OPCML: variants seen among roughly 807,000 people sequenced by gnomAD.
OPCML encodes the protein opioid-binding protein/cell adhesion molecule.
OPCML carries 13 observed loss-of-function variants against 37.8 expected under a neutral mutation model. The observed-to-expected ratio is 0.34, with a 90% CI of 0.22 to 0.55. OPCML has a LOEUF of 0.55. Ranked by LOEUF, OPCML falls within the 20% of genes least tolerant of loss-of-function variation. The pLI, the probability that OPCML is intolerant of heterozygous loss-of-function variation, is 0.91. For missense variants in OPCML, 341 were observed against 435.6 expected, an observed-to-expected ratio of 0.78 and a Z score of 1.93; for synonymous variants, 176 against 168.8, an observed-to-expected ratio of 1.04 and a Z score of -0.33.
intron 2 of OPCML, among the ~76,000 whole-genome samples, chr11:132,830,546 A>C (rs959729691): frequency 8.5e-5 from 13 of 152,078 alleles, no homozygotes; most frequent in African/African-American, 3.1e-4. Context: ...ATTATCATCA[A>C]CCTCTTTCTA....
At chr11:132,695,712 T>C (rs1943576426) in intron 2 of OPCML, among the ~76,000 whole-genome samples, 1 of 152,176 alleles carries the variant, frequency 6.6e-6, no homozygotes, top group African/African-American at 2.4e-5. Context: ...TTCTTCTTCC[T>C]GACACCCACT....
At chr11:132,924,491 T>A (rs11223280) in intron 2 of OPCML, among the ~76,000 whole-genome samples, 1 of 152,138 alleles carries the variant, frequency 6.6e-6, no homozygotes, top group Non-Finnish European at 1.5e-5. Flanking sequence ...AAGACAAATC[T>A]GATCAATTTT....
chr11:132,962,313 C>T (rs1299925590), intron 1 of OPCML, among the ~76,000 whole-genome samples: 2 of 152,208 alleles, frequency 1.3e-5, no homozygotes, highest in South Asian at 2.1e-4. Flanking sequence ...CCGGCCCGGG[C>T]TCTCTCTGCC....
intron 2 of OPCML, among the ~76,000 whole-genome samples, chr11:132,802,683 T>G (rs942584387): frequency 2.0e-5 from 3 of 152,138 alleles, no homozygotes; most frequent in Non-Finnish European, 4.4e-5. Flanking sequence ...TTAGATGTGA[T>G]TTCAGTGAAG....
At chr11:132,902,296 T>G (rs1040959152) in intron 2 of OPCML, among the ~76,000 whole-genome samples, 1 of 152,272 alleles carries the variant, frequency 6.6e-6, no homozygotes, top group East Asian at 1.9e-4. Context: ...GTCAGGGCTC[T>G]TGGGAATGAG....
intron 1 of OPCML, among the ~76,000 whole-genome samples, chr11:133,499,771 A>AATATAT (rs374151325): frequency 7.1e-6 from 1 of 141,274 alleles, no homozygotes; most frequent in Non-Finnish European, 1.5e-5. Flanking sequence ...CAGAAAAATA[A>AATATAT]ATATATATAT....
intron 1 of OPCML, among the ~76,000 whole-genome samples, chr11:133,362,643 A>G (rs1373409755): frequency 6.6e-6 from 1 of 152,150 alleles, no homozygotes; most frequent in Non-Finnish European, 1.5e-5. Context: ...GCTGAAGGGA[A>G]TGAGGTGAGA....
At chr11:132,633,410 T>C (rs1347499602) in intron 3 of OPCML, among the ~76,000 whole-genome samples, 3 of 151,878 alleles carry the variant, frequency 2.0e-5, no homozygotes, top group South Asian at 2.1e-4. Context: ...AGGGAGAAAA[T>C]AGATGGAAAT....
intron 1 of OPCML, among the ~76,000 whole-genome samples, chr11:133,204,878 A>ATATATATGTGTG (rs1565502208): frequency 3.9e-5 from 1 of 25,954 alleles, no homozygotes; most frequent in Admixed American, 3.1e-4. Context: ...GTATATATAT[A>ATATATATGTGTG]TATATATATA....
chr11:133,315,629 T>C (rs1156250957), intron 1 of OPCML, among the ~76,000 whole-genome samples: 1 of 152,160 alleles, frequency 6.6e-6, no homozygotes, highest in African/African-American at 2.4e-5. Flanking sequence ...TGAATCCCTG[T>C]CTCTACTAAA....
At chr11:132,797,592 G>C (rs965800497) in intron 2 of OPCML, among the ~76,000 whole-genome samples, 1 of 151,874 alleles carries the variant, frequency 6.6e-6, no homozygotes, top group Non-Finnish European at 1.5e-5. Flanking sequence ...TAAATATTTT[G>C]GTTTTCCAGT....
Position 132,900,967 on chromosome 11 carries a change from C to A in OPCML, c.146+41959G>T, listed in dbSNP as rs995606650. ...CAGCACTTTGGGATGCCAAGGCAGG[C>A]AGGAGTTCGAGACCAGCCTGGCCAA... On this transcript the variant is annotated intron_variant, in intron 2 of 7. Transcript: ENST00000524381. Among the ~76,000 whole-genome samples the A allele has an allele frequency of 7.2e-5, 11 of 152,102 alleles. No homozygotes were observed. In the East Asian group the frequency reaches 1.9e-3, roughly 27 times the overall value.
At chr11:132,472,309 C>T (rs1223177552) in intron 4 of OPCML, among the ~76,000 whole-genome samples, 1 of 152,114 alleles carries the variant, frequency 6.6e-6, no homozygotes, top group Non-Finnish European at 1.5e-5. Context: ...ACATAGTAAG[C>T]ACTCCACAAA....
chr11:133,244,131 C>T (rs1940832378), intron 1 of OPCML, among the ~76,000 whole-genome samples: 1 of 152,164 alleles, frequency 6.6e-6, no homozygotes, highest in Admixed American at 6.5e-5. Context: ...CACTGCTAGC[C>T]CATTAGAGCA....
chr11:133,474,814 G>T (rs1947200865), intron 1 of OPCML, among the ~76,000 whole-genome samples: 1 of 152,160 alleles, frequency 6.6e-6, no homozygotes, highest in Admixed American at 6.5e-5. Flanking sequence ...AGGAGAGGAG[G>T]GTGGGGAGTC....
intron 4 of OPCML, among the ~76,000 whole-genome samples, chr11:132,477,195 G>T (rs2096159389): frequency 6.6e-6 from 1 of 152,142 alleles, no homozygotes. Flanking sequence ...GCCCAAGATG[G>T]CTCTTGAAGC....
intron 1 of OPCML, among the ~76,000 whole-genome samples, chr11:133,522,837 T>C (rs1030741529): frequency 6.6e-6 from 1 of 152,194 alleles, no homozygotes; most frequent in South Asian, 2.1e-4. Flanking sequence ...TCCCTTTTGA[T>C]TCCAAGGACC....
At chr11:132,867,010 A>G (rs961184191) in intron 2 of OPCML, among the ~76,000 whole-genome samples, 1 of 152,244 alleles carries the variant, frequency 6.6e-6, no homozygotes, top group Admixed American at 6.5e-5. Context: ...AACACAATGC[A>G]TGACACATCC....
At chr11:132,929,733 T>C (rs1433091308) in intron 2 of OPCML, among the ~76,000 whole-genome samples, 5 of 152,212 alleles carry the variant, frequency 3.3e-5, no homozygotes. Context: ...GTGAGATTTA[T>C]TTCTGCAATG....
Sources: allele counts gnomAD v4.1 joint callset (sites outside exome capture counted in the v4.1 genomes callset), GRCh38; gene constraint gnomAD v4.1.1; transcripts MANE v1.5; gene names NCBI Gene and HGNC (gene_info 2026-07-23, HGNC 2026-07-21).